ROBO1: variants seen among roughly 807,000 people sequenced by gnomAD.
The protein encoded by ROBO1 is roundabout homolog 1.
A neutral mutation model predicts 195.9 loss-of-function variants in ROBO1; 149 were observed. That is an observed-to-expected ratio of 0.76 (90% confidence interval 0.67 to 0.87). ROBO1 has a LOEUF of 0.87. ROBO1 is among the 40% of genes least tolerant of loss of function. The pLI is 0.00. For missense variants in ROBO1, 1,933 were observed against 2,068.3 expected (o/e 0.93, Z 1.27); for synonymous variants, 816 against 733.2 (o/e 1.11, Z -1.82).
intron 3 of ROBO1, among the ~76,000 whole-genome samples, chr3:79,093,918 A>G (rs1444368441): frequency 6.6e-6 from 1 of 151,954 alleles, no homozygotes; most frequent in African/African-American, 2.4e-5. Context: ...AAGGGGAATG[A>G]CCCTACTTCC....
intron 1 of ROBO1, among the ~76,000 whole-genome samples, chr3:79,701,958 T>A (rs1412735690): frequency 6.6e-6 from 1 of 151,812 alleles, no homozygotes; most frequent in Non-Finnish European, 1.5e-5. Flanking sequence ...CAAAGCAGAT[T>A]ATATAAAGTA....
At chr3:79,346,429 T>C (rs1345130674) in intron 2 of ROBO1, among the ~76,000 whole-genome samples, 1 of 152,150 alleles carries the variant, frequency 6.6e-6, no homozygotes, top group Non-Finnish European at 1.5e-5. Context: ...TAGAATTATG[T>C]CTGTCTTAAA....
chr3:78,810,939 A>G (rs1020870213), intron 4 of ROBO1, among the ~76,000 whole-genome samples: 1 of 152,216 alleles, frequency 6.6e-6, no homozygotes, highest in East Asian at 1.9e-4. Flanking sequence ...CTGCTCAAGA[A>G]AAAGGACAAA....
intron 1 of ROBO1, among the ~76,000 whole-genome samples, chr3:79,642,232 G>A (rs1381654221): frequency 6.6e-6 from 1 of 152,034 alleles, no homozygotes; most frequent in Non-Finnish European, 1.5e-5. Context: ...ACAGTCAGAG[G>A]AGAAGAAAGA....
In ROBO1 at chr3:78,997,778, G is replaced by A. The variant is rs150044620; in HGVS notation, c.173-58851C>T. 2.9e-4 allele frequency among the ~76,000 whole-genome samples: 44 copies of A among 152,192 alleles called. No individual in the cohort carries two copies. In the East Asian group the frequency reaches 5.8e-3, roughly 20 times the overall value. ...ATCCTCCTGAAGTGATGCTTGACCCGTCTTATGTGTGCTGAGTATTAATTG... is the reference window on the plus strand; with the variant it reads ...ATCCTCCTGAAGTGATGCTTGACCCATCTTATGTGTGCTGAGTATTAATTG... On this transcript the variant is annotated intron_variant, in intron 3 of 30. Transcript: ENST00000464233.
In ROBO1 at chr3:79,596,551, A is replaced by G. The variant is rs183912470; in HGVS notation, c.-50-6590T>C. Among the ~76,000 whole-genome samples, 3 of 152,170 alleles carry G rather than the reference A, an allele frequency of 2.0e-5. No homozygotes were observed. In the East Asian group the frequency reaches 5.8e-4, roughly 30 times the overall value. On this transcript the variant is annotated intron_variant, in intron 1 of 30. Transcript: ENST00000464233. Reference sequence around the variant, plus strand: ...AATAAATAATATGTGATGTATATGTAGCACTTCACAGTTTACCTATGTATT... The same window carrying G: ...AATAAATAATATGTGATGTATATGTGGCACTTCACAGTTTACCTATGTATT...
At chr3:79,516,653 T>A (rs1940957604) in intron 2 of ROBO1, among the ~76,000 whole-genome samples, 1 of 152,306 alleles carries the variant, frequency 6.6e-6, no homozygotes, top group Middle Eastern at 3.4e-3. Flanking sequence ...AAAACTTTAA[T>A]ATGTAGAGAT....
intron 3 of ROBO1, among the ~76,000 whole-genome samples, chr3:79,092,562 T>A (rs941282979): frequency 6.6e-6 from 1 of 152,194 alleles, no homozygotes; most frequent in Admixed American, 6.6e-5. Flanking sequence ...TTTGCAACTA[T>A]CTTATGCTAT....
chr3:79,581,352 G>T (rs115768652), intron 2 of ROBO1, among the ~76,000 whole-genome samples: 2 of 152,048 alleles, frequency 1.3e-5, no homozygotes, highest in South Asian at 2.1e-4. Context: ...CGTGTGGCAC[G>T]TGGGGTTTTT....
At chr3:79,096,780 G>T (rs9831842) in intron 3 of ROBO1, among the ~76,000 whole-genome samples, 150,533 of 150,920 alleles carry the variant, frequency 1, 75,076 homozygotes, top group Non-Finnish European at 1. Context: ...GTCCAAAGAA[G>T]TTGGAAAACA....
chr3:78,834,551 A>C (rs1576257678), intron 4 of ROBO1, among the ~76,000 whole-genome samples: 1 of 151,732 alleles, frequency 6.6e-6, no homozygotes, highest in African/African-American at 2.4e-5. Context: ...AACCACAAAT[A>C]TGTATTCATT....
intron 2 of ROBO1, among the ~76,000 whole-genome samples, chr3:79,167,312 T>A (rs1373592117): frequency 6.6e-6 from 1 of 152,108 alleles, no homozygotes; most frequent in Admixed American, 6.5e-5. Flanking sequence ...CCAACAAAAT[T>A]CCAGAAGTTG....
intron 3 of ROBO1, among the ~76,000 whole-genome samples, chr3:79,072,733 A>G (rs2079109951): frequency 6.6e-6 from 1 of 151,984 alleles, no homozygotes; most frequent in Non-Finnish European, 1.5e-5. Flanking sequence ...AGTATGTAAG[A>G]ATTAATACAC....
chr3:79,090,768 T>G (rs2079465559), intron 3 of ROBO1, among the ~76,000 whole-genome samples: 1 of 152,162 alleles, frequency 6.6e-6, no homozygotes, highest in African/African-American at 2.4e-5. Flanking sequence ...ACTGGCACAT[T>G]GTAAGCACTC....
intron 1 of ROBO1, among the ~76,000 whole-genome samples, chr3:79,759,593 T>C (rs1409544858): frequency 1.3e-5 from 2 of 152,238 alleles, no homozygotes; most frequent in African/African-American, 2.4e-5. Flanking sequence ...TAAGGACTCA[T>C]TGAACATGAG....
intron 2 of ROBO1, among the ~76,000 whole-genome samples, chr3:79,407,011 C>T (rs1281677749): frequency 1.3e-5 from 2 of 152,090 alleles, no homozygotes; most frequent in South Asian, 2.1e-4. Context: ...CTCCACCTCT[C>T]GGATTCAAAC....
At chr3:79,722,635 G>A (rs1232020365) in intron 1 of ROBO1, among the ~76,000 whole-genome samples, 1 of 152,188 alleles carries the variant, frequency 6.6e-6, no homozygotes, top group Admixed American at 6.5e-5. Flanking sequence ...TTTCAGAAAT[G>A]CTGATAACAA....
At position 78,885,909 on chromosome 3, in the gene ROBO1, T is replaced by TTATATATATATATATA. The variant is rs10651992; in HGVS notation, c.499+52676_499+52691dup. Among the ~76,000 whole-genome samples the TTATATATATATATATA allele has an allele frequency of 3.3e-3, 389 of 117,654 alleles. 5 individuals are homozygous for TTATATATATATATATA. The highest frequency in any genetic ancestry group is 8.0e-3 in the African/African-American group (236 of 29,616). 77.2% of individuals were successfully genotyped at this position (117,654 alleles called of 152,430 possible). ...AGACCCTACTACTGATAGCAAAATT[T>TTATATATATATATATA]TATATATATATATATATATATATAT... On this transcript the variant is annotated intron_variant, in intron 4 of 30. Coordinates refer to ENST00000464233, the MANE Select transcript of ROBO1 (RefSeq NM_002941.4).
chr3:79,405,791 G>C (rs2037523837), intron 2 of ROBO1, among the ~76,000 whole-genome samples: 1 of 152,130 alleles, frequency 6.6e-6, no homozygotes, highest in African/African-American at 2.4e-5. Flanking sequence ...GTAAAATATG[G>C]TAGTTTGGGA....
Sources: allele counts gnomAD v4.1 joint callset (sites outside exome capture counted in the v4.1 genomes callset), GRCh38; gene constraint gnomAD v4.1.1; transcripts MANE v1.5; gene names NCBI Gene and HGNC (gene_info 2026-07-23, HGNC 2026-07-21).